CTIF: variants seen among roughly 807,000 people sequenced by gnomAD.
CTIF encodes the protein cap binding complex dependent translation initiation factor.
In CTIF, 21 loss-of-function variants were observed where a neutral mutation model predicts 66.0. That is an observed-to-expected ratio of 0.32 (90% CI 0.23 to 0.46). The LOEUF is 0.46. CTIF is among the 20% of genes least tolerant of loss of function. The probability of loss-of-function intolerance (pLI) is 1.00; values close to 1 mark genes in which losing one functional copy is unlikely to be tolerated. For missense variants in CTIF, 739 were observed against 812.7 expected (o/e 0.91, Z 1.10); for synonymous variants, 345 against 326.4 (o/e 1.06, Z -0.62).
In CTIF at chr18:48,757,920, C is replaced by T. The variant is rs763215980; in HGVS notation, c.586C>T (p.Arg196Trp). The T allele has an allele frequency of 4.4e-6, 7 of 1,609,144 alleles. No homozygotes were observed. The highest frequency in any genetic ancestry group is 1.3e-5 in the African/African-American group (1 of 74,786). Reference protein sequence around the residue: ...LFRRRRNDRRRQQRPPGGNKP... With the variant: ...LFRRRRNDRRWQQRPPGGNKP... ...CTGTCTTTCCTCTTCCGTTTGCAGGCGGCAGCAGAGACCTCCGGGGGGCAA... is the reference window on the plus strand; with the variant it reads ...CTGTCTTTCCTCTTCCGTTTGCAGGTGGCAGCAGAGACCTCCGGGGGGCAA... Residue 196 changes from arginine to tryptophan, a missense_variant and splice_region_variant, in exon 8 of 12, where the codon CGG becomes TGG. Physicochemically the swap from Arg to Trp is moderately radical, Grantham distance 101. Transcript: ENST00000256413.
intron 1 of CTIF, among the ~76,000 whole-genome samples, chr18:48,604,814 A>G (rs1302817767): frequency 6.6e-6 from 1 of 152,168 alleles, no homozygotes; most frequent in Non-Finnish European, 1.5e-5. Flanking sequence ...GTAAGCAAAC[A>G]CCATTCTACT....
intron 9 of CTIF, among the ~76,000 whole-genome samples, chr18:48,793,665 T>A (rs1385920633): frequency 1.3e-5 from 2 of 152,206 alleles, no homozygotes; most frequent in Non-Finnish European, 2.9e-5. Context: ...TTCTTAACAA[T>A]TAGCCCAGCT....
chr18:48,654,234 A>C (rs2091206635), intron 3 of CTIF, among the ~76,000 whole-genome samples: 1 of 152,242 alleles, frequency 6.6e-6, no homozygotes, highest in Non-Finnish European at 1.5e-5. Flanking sequence ...CCATCTGACA[A>C]AGGGCTAATA....
chr18:48,859,568 G>A lies in CTIF; in HGVS notation c.*9G>A, dbSNP rs1402040500. 6.2e-7 allele frequency: 1 copy of A among 1,613,190 alleles called. No homozygotes were observed. Among genetic ancestry groups the A allele is most frequent in the South Asian group, 1.1e-5 (1 of 91,070 alleles). ...AGAAACTGACAGCCTGACAGCCAGG[G>A]GGCCTGGCAGGCGGCCCACGGGCAG... is the stretch of plus-strand genomic sequence containing the variant. On this transcript the variant is annotated 3_prime_UTR_variant, in exon 12 of 12. Coordinates refer to ENST00000256413, the MANE Select transcript of CTIF (RefSeq NM_014772.3).
chr18:48,541,127 G>A (rs960077685), intron 1 of CTIF, among the ~76,000 whole-genome samples: 3 of 152,198 alleles, frequency 2.0e-5, no homozygotes, highest in African/African-American at 7.2e-5. Flanking sequence ...GCTCGCCGCC[G>A]CTGCCTTCGC....
intron 3 of CTIF, chr18:48,662,711 G>A (rs1435443435): frequency 2.0e-5 from 3 of 151,846 alleles, no homozygotes; most frequent in African/African-American, 7.3e-5. Context: ...TACTATCTGA[G>A]TTCTTTCACT....
intron 10 of CTIF, among the ~76,000 whole-genome samples, chr18:48,854,645 GC>G (rs1319401596): frequency 4.6e-5 from 7 of 152,182 alleles, no homozygotes; most frequent in Admixed American, 3.3e-4. Flanking sequence ...ACCAGGCCAA[GC>G]ATGGTGGCTC....
In CTIF at chr18:48,761,608, C is replaced by A. The variant is rs142784708; in HGVS notation, c.1290C>A (p.Thr430=). 1.7e-5 allele frequency: 28 copies of A among 1,614,058 alleles called. No individual in the cohort carries two copies. Among genetic ancestry groups the A allele is most frequent in the Non-Finnish European group, 2.1e-5 (25 of 1,180,034 alleles). The change falls in exon 9 of 12, where the codon ACC becomes ACA. Residue 430 remains threonine (T), a synonymous_variant. Transcript: ENST00000256413. The surrounding 1 kb of genome is among the most constrained non-coding windows in gnomAD (Gnocchi z 4.2). ...TGTCCGACCGCAGCTTCGCCTTCAC[C>A]GCTGCCAAGCTCTGCGACAAGATGG... The part of the protein sequence containing the change: ...KAVSDRSFAF[T]AAKLCDKMAL...
intron 9 of CTIF, among the ~76,000 whole-genome samples, chr18:48,796,228 C>CAGTG (rs60871154): frequency 0.18 from 27,874 of 151,862 alleles, 2,660 homozygotes; most frequent in East Asian, 0.32. Flanking sequence ...GGCTGGAGTG[C>CAGTG]AGTGGTGTGA....
rs376934386 is a variant in CTIF at position 48,592,017 on chromosome 18, G to A, written c.-28-27521G>A. Among the ~76,000 whole-genome samples, 19 of 152,300 alleles carry A rather than the reference G, an allele frequency of 1.2e-4. No homozygotes were observed. The East Asian group carries it at 1.9e-3, about 15-fold the overall frequency. ...TCCTCCTGCCTCTGCTTCGGAAAGCGCTGGGATTACAGGTGTGAGCCACTA... is the reference window on the plus strand; with the variant it reads ...TCCTCCTGCCTCTGCTTCGGAAAGCACTGGGATTACAGGTGTGAGCCACTA... On this transcript the variant is annotated intron_variant, in intron 1 of 11. Coordinates refer to ENST00000256413, the MANE Select transcript of CTIF (RefSeq NM_014772.3).
chr18:48,828,667 G>C (rs1162313952), intron 10 of CTIF, among the ~76,000 whole-genome samples: 2 of 152,224 alleles, frequency 1.3e-5, no homozygotes, highest in African/African-American at 2.4e-5. Context: ...AAACTTTTCT[G>C]CTCAGGACCA....
chr18:48,812,983 C>T lies in CTIF; in HGVS notation c.1372-4238C>T, dbSNP rs115113100. 7.8e-3 allele frequency among the ~76,000 whole-genome samples: 1,176 copies of T among 150,814 alleles called. 14 individuals carry two copies. Among genetic ancestry groups the T allele is most frequent in the African/African-American group, 0.028 (1,136 of 40,948 alleles). On this transcript the variant is annotated intron_variant, in intron 9 of 11. Transcript: ENST00000256413. The stretch of plus-strand genomic sequence containing the variant: ...AATTCACAGACTAGATGTCCACTCT[C>T]TATCTTCTCTATCGTTTTTCTTTTT...
intron 7 of CTIF, among the ~76,000 whole-genome samples, chr18:48,751,950 TTCATTC>T (rs1907860262): frequency 1.4e-5 from 1 of 73,198 alleles, no homozygotes. Flanking sequence ...TTATTATTCA[TTCATTC>T]ATTCATTCAT....
At chr18:48,640,576 G>A (rs1215717669) in intron 3 of CTIF, among the ~76,000 whole-genome samples, 2 of 152,254 alleles carry the variant, frequency 1.3e-5, no homozygotes, top group Admixed American at 6.5e-5. Context: ...AGAAACTGAG[G>A]CTACATGGAG....
chr18:48,722,540 G>A (rs952273264), intron 7 of CTIF, among the ~76,000 whole-genome samples: 5 of 152,066 alleles, frequency 3.3e-5, no homozygotes, highest in Non-Finnish European at 7.4e-5. Context: ...TCTTGAGATC[G>A]TATGCTGCCC....
At chr18:48,728,586 G>A (rs1323101687) in intron 7 of CTIF, among the ~76,000 whole-genome samples, 1 of 152,162 alleles carries the variant, frequency 6.6e-6, no homozygotes, top group Non-Finnish European at 1.5e-5. Flanking sequence ...AGATGGGACT[G>A]GAAGAGCCAC....
intron 1 of CTIF, among the ~76,000 whole-genome samples, chr18:48,606,401 A>T (rs1393214673): frequency 6.6e-6 from 1 of 152,230 alleles, no homozygotes; most frequent in African/African-American, 2.4e-5. Flanking sequence ...CAGGGTCCCC[A>T]TATGGGAGGG....
chr18:48,595,407 A>G (rs2089971007), intron 1 of CTIF, among the ~76,000 whole-genome samples: 1 of 152,012 alleles, frequency 6.6e-6, no homozygotes, highest in Non-Finnish European at 1.5e-5. Flanking sequence ...AGCTGAAACT[A>G]CGTACATTTA....
chr18:48,659,002 C>T (rs2091293113), intron 3 of CTIF, among the ~76,000 whole-genome samples: 1 of 152,144 alleles, frequency 6.6e-6, no homozygotes, highest in Non-Finnish European at 1.5e-5. Flanking sequence ...CAAGGGACAG[C>T]AAAGGAAAGC....
Sources: allele counts gnomAD v4.1 joint callset (sites outside exome capture counted in the v4.1 genomes callset), GRCh38; gene constraint gnomAD v4.1.1; non-coding constraint Gnocchi (gnomAD v3.1); transcripts MANE v1.5; gene names NCBI Gene and HGNC (gene_info 2026-07-23, HGNC 2026-07-21).